Variants in ART3 observed in about 807,000 individuals in gnomAD.
The protein encoded by ART3 is ecto-ADP-ribosyltransferase 3.
Under a neutral mutation model 48.5 loss-of-function variants are expected in ART3, and 49 were observed. The ratio of observed to expected loss-of-function variants is 1.01; its 90% CI spans 0.80 to 1.28. ART3 has a LOEUF of 1.28. Ranked by LOEUF, ART3 falls within the 50% of genes most tolerant of loss-of-function variation. The pLI, the probability that ART3 is intolerant of heterozygous loss-of-function variation, is 0.00. For synonymous variants in ART3, 145 were observed against 157.2 expected (o/e 0.92, Z 0.58); for missense variants, 438 against 454.3 (o/e 0.96, Z 0.33).
chr4:76,070,615 A>G (rs1369610757), upstream of ART3, among the ~76,000 whole-genome samples: 1 of 152,204 alleles, frequency 6.6e-6, no homozygotes, highest in Non-Finnish European at 1.5e-5. Flanking sequence ...GTAGCTGGAG[A>G]AAAATACAAC....
At chr4:76,095,213 T>C (rs973492041) in intron 3 of ART3, among the ~76,000 whole-genome samples, 3 of 152,186 alleles carry the variant, frequency 2.0e-5, no homozygotes, top group Non-Finnish European at 1.5e-5. Flanking sequence ...TGACTCTGTG[T>C]TAAACATTAA....
At chr4:76,101,701 G>A (rs62318915) in intron 8 of ART3, among the ~76,000 whole-genome samples, 16,380 of 152,114 alleles carry the variant, frequency 0.11, 1,211 homozygotes, top group East Asian at 0.34. Flanking sequence ...GCAGTGAGCC[G>A]AGATCGCGCC....
At chr4:76,079,402 C>G (rs989039298) in intron 2 of ART3, among the ~76,000 whole-genome samples, 1 of 152,120 alleles carries the variant, frequency 6.6e-6, no homozygotes, top group Non-Finnish European at 1.5e-5. Context: ...TTGTAAGTTT[C>G]GTCTTAGACA....
intron 3 of ART3, 40 bp downstream of exon 3, chr4:76,082,575 G>C: frequency 2.0e-6 from 3 of 1,491,658 alleles, no homozygotes; most frequent in Non-Finnish European, 2.7e-6. Context: ...GGGAGGGAAG[G>C]AGTGGGATTC....
chr4:76,080,613 C>T (rs955229155), intron 2 of ART3, among the ~76,000 whole-genome samples: 41 of 152,102 alleles, frequency 2.7e-4, no homozygotes, highest in African/African-American at 8.2e-4. Flanking sequence ...TGGTTTCAAG[C>T]GATTCTCCTG....
At chr4:76,017,857 G>GT (rs2149360836) in intron 1 of ART3, among the ~76,000 whole-genome samples, 1 of 152,368 alleles carries the variant, frequency 6.6e-6, no homozygotes, top group South Asian at 2.1e-4. Flanking sequence ...GCTTTCCACT[G>GT]TGACAGAGCA....
intron 1 of ART3, among the ~76,000 whole-genome samples, chr4:76,064,644 G>T (rs571169022): frequency 6.6e-6 from 1 of 152,194 alleles, no homozygotes; most frequent in East Asian, 1.9e-4. Context: ...AAAGATAAAA[G>T]AACTACTGAT....
At chr4:76,107,126 G>A (rs895910165) in intron 10 of ART3, 3 of 152,126 alleles carry the variant, frequency 2.0e-5, no homozygotes, top group Non-Finnish European at 2.9e-5. Context: ...TTTAAGGTAG[G>A]CTAGGTTAAG....
intron 1 of ART3, among the ~76,000 whole-genome samples, chr4:76,069,269 C>CT (rs1694600472): frequency 1.3e-5 from 2 of 150,752 alleles, no homozygotes; most frequent in African/African-American, 5.0e-5. Context: ...TACGCATTAA[C>CT]AGTCTTCCTC....
At chr4:76,101,099 G>T in intron 8 of ART3, 80 bp downstream of exon 8, 2 of 1,554,980 alleles carry the variant, frequency 1.3e-6, no homozygotes, top group South Asian at 1.2e-5. Flanking sequence ...GAAGAATGTC[G>T]TGGTAAGAAA....
chr4:76,035,211 C>T (rs770845928), intron 1 of ART3: 34 of 1,613,990 alleles, frequency 2.1e-5, no homozygotes, highest in Non-Finnish European at 2.6e-5. Flanking sequence ...AAGTTCATTA[C>T]TTACATCACT....
chr4:76,018,306 G>A (rs959314071), intron 1 of ART3, among the ~76,000 whole-genome samples: 1 of 152,170 alleles, frequency 6.6e-6, no homozygotes, highest in Non-Finnish European at 1.5e-5. Flanking sequence ...GAAGCTGGAG[G>A]CCATTATCCT....
chr4:76,016,025 G>A (rs1732222038), intron 1 of ART3, among the ~76,000 whole-genome samples: 1 of 152,110 alleles, frequency 6.6e-6, no homozygotes, highest in African/African-American at 2.4e-5. Context: ...CTTTTTTGAT[G>A]TGTCTTTGAT....
At chr4:76,065,848 A>G (rs1008508879) in intron 1 of ART3, among the ~76,000 whole-genome samples, 7 of 152,080 alleles carry the variant, frequency 4.6e-5, no homozygotes, top group Admixed American at 6.5e-5. Context: ...TGAAAATACT[A>G]AATAGATATA....
chr4:76,111,055 CTA>C (rs931106219), intron 11 of ART3, among the ~76,000 whole-genome samples: 21 of 152,200 alleles, frequency 1.4e-4, no homozygotes, highest in Admixed American at 1.1e-3. Context: ...ATAAAATTAA[CTA>C]TAATACATAC....
chr4:76,032,888 A>T (rs1258133481), intron 1 of ART3, among the ~76,000 whole-genome samples: 1 of 152,000 alleles, frequency 6.6e-6, no homozygotes, highest in Non-Finnish European at 1.5e-5. Flanking sequence ...ACCCAGCCAG[A>T]TTCAGGTCTT....
chr4:76,030,754 C>CT (rs761159405), intron 1 of ART3, among the ~76,000 whole-genome samples: 1 of 152,110 alleles, frequency 6.6e-6, no homozygotes, highest in Non-Finnish European at 1.5e-5. Flanking sequence ...TTGTGTCTGG[C>CT]TTTTTTTACT....
intron 3 of ART3, among the ~76,000 whole-genome samples, chr4:76,094,219 G>A (rs1462859828): frequency 6.6e-6 from 1 of 152,172 alleles, no homozygotes; most frequent in Non-Finnish European, 1.5e-5. Context: ...CATCCAGTCA[G>A]GGTATTTTGT....
chr4:76,015,820 G>A (rs1732201138), intron 1 of ART3, among the ~76,000 whole-genome samples: 2 of 152,160 alleles, frequency 1.3e-5, no homozygotes, highest in East Asian at 1.9e-4. Context: ...GTAGAGATGG[G>A]TTTTTGCCAT....
Sources: allele counts gnomAD v4.1 joint callset (sites outside exome capture counted in the v4.1 genomes callset), GRCh38; gene constraint gnomAD v4.1.1; transcripts MANE v1.5; gene names NCBI Gene and HGNC (gene_info 2026-07-23, HGNC 2026-07-21).